The following EDARADD variants were observed in gnomAD, a reference collection of about 807,000 sequenced individuals.
EDARADD encodes the protein EDAR associated via death domain.
Under a neutral mutation model 25.6 loss-of-function variants are expected in EDARADD, and 20 were observed. The observed-to-expected ratio is 0.78, with a 90% CI of 0.55 to 1.14. The LOEUF (loss-of-function observed/expected upper bound fraction) is 1.14, where lower values mean the gene tolerates loss of function less well. Ranked by LOEUF, EDARADD falls within the 50% of genes most tolerant of loss-of-function variation. EDARADD has a pLI of 0.00. For synonymous variants in EDARADD, 86 were observed against 94.4 expected, an observed-to-expected ratio of 0.91 and a Z score of 0.52; for missense variants, 225 against 270.1, an observed-to-expected ratio of 0.83 and a Z score of 1.17.
chr1:236,447,232 TCCTTTCTTTC>T (rs1658583678), intron 4 of EDARADD, among the ~76,000 whole-genome samples: 15 of 122,758 alleles, frequency 1.2e-4, no homozygotes, highest in African/African-American at 3.7e-4. Context: ...TTCCTTTCTT[TCCTTTCTTTC>T]CTTTCTTTCC....
intron 3 of EDARADD, among the ~76,000 whole-genome samples, chr1:236,363,006 A>AAAAAAAATATATATATATATAT (rs1377112051): frequency 4.7e-5 from 2 of 42,950 alleles, no homozygotes; most frequent in African/African-American, 2.2e-4. Context: ...AAAAAAAAAA[A>AAAAAAAATATATATATATATAT]ATATATATAT....
In EDARADD at chr1:236,483,400, G is replaced by A; in HGVS notation, c.*751G>A. The stretch of plus-strand genomic sequence containing the variant: ...AAAACTATTGCACCTGTCCTGGTTA[G>A]CAAGAAACTGAACGTCACAGAACAA... On this transcript the variant is annotated 3_prime_UTR_variant, in exon 6 of 6. Transcript: ENST00000334232. The A allele has an allele frequency of 1.6e-6, 2 of 1,268,174 alleles. No individual in the cohort carries two copies. The highest frequency in any genetic ancestry group is 1.2e-5 in the South Asian group (1 of 84,172). The allele number at this position is 1,268,174 out of a possible 1,614,324, so 78.6% of individuals were successfully genotyped here.
At chr1:236,475,165 C>T (rs1021006259) in intron 5 of EDARADD, among the ~76,000 whole-genome samples, 1 of 149,904 alleles carries the variant, frequency 6.7e-6, no homozygotes, top group Non-Finnish European at 1.5e-5. Context: ...CAAAAAAAAA[C>T]CCAACAAATA....
intron 3 of EDARADD, among the ~76,000 whole-genome samples, chr1:236,417,192 C>G (rs957564839): frequency 3.9e-5 from 6 of 152,134 alleles, no homozygotes; most frequent in Non-Finnish European, 8.8e-5. Context: ...AACGAAGAGA[C>G]TGATTTATAG....
At chr1:236,419,661 A>C (rs1231070943) in intron 3 of EDARADD, among the ~76,000 whole-genome samples, 1 of 152,218 alleles carries the variant, frequency 6.6e-6, no homozygotes, top group Non-Finnish European at 1.5e-5. Flanking sequence ...ACTGACAGGC[A>C]GGAGAGCTGA....
intron 4 of EDARADD, among the ~76,000 whole-genome samples, chr1:236,448,854 A>C (rs1658634261): frequency 6.6e-6 from 1 of 152,222 alleles, no homozygotes. Context: ...ATACAAAAAC[A>C]GAGGCCCAGA....
chr1:236,427,376 T>TTTC lies in EDARADD; in HGVS notation c.161-14_161-13insCTT. Reference sequence around the variant, plus strand: ...CACACTTTGTTTCTTTCTTTCTTTCTTTTTTTTTTTCCTAGCTGAAGAATG... The same window carrying TTTC: ...CACACTTTGTTTCTTTCTTTCTTTCTTTCTTTTTTTTTTCCTAGCTGAAGAATG... On this transcript the variant is annotated splice_polypyrimidine_tract_variant and intron_variant, in intron 3 of 5. Coordinates refer to ENST00000334232, the MANE Select transcript of EDARADD (RefSeq NM_145861.4). The TTTC allele has an allele frequency of 2.3e-6, 2 of 866,058 alleles. No homozygotes were observed. The highest frequency in any genetic ancestry group is 3.2e-6 in the Non-Finnish European group (2 of 623,738). 53.6% of individuals were successfully genotyped at this position (866,058 alleles called of 1,614,324 possible).
At chr1:236,381,801 CTTTTTTTTTTTTT>C (rs71559949) in intron 3 of EDARADD, among the ~76,000 whole-genome samples, 2 of 42,072 alleles carry the variant, frequency 4.8e-5, no homozygotes, top group East Asian at 8.1e-4. Flanking sequence ...CCTGTGGTTG[CTTTTTTTTTTTTT>C]TTTTTTTTTT....
At chr1:236,370,393 C>T (rs1667161013) in intron 3 of EDARADD, among the ~76,000 whole-genome samples, 1 of 152,064 alleles carries the variant, frequency 6.6e-6, no homozygotes, top group African/African-American at 2.4e-5. Flanking sequence ...TGCACTCCAG[C>T]CTGGGTGACA....
intron 5 of EDARADD, among the ~76,000 whole-genome samples, chr1:236,475,027 G>A (rs949734006): frequency 2.0e-5 from 3 of 152,148 alleles, no homozygotes; most frequent in Non-Finnish European, 2.9e-5. Context: ...CAGCTACTCG[G>A]GAGGGTGAGG....
chr1:236,376,694 C>T (rs568148688), intron 3 of EDARADD, among the ~76,000 whole-genome samples: 5 of 152,160 alleles, frequency 3.3e-5, no homozygotes, highest in Admixed American at 6.5e-5. Flanking sequence ...TTCCTGGATA[C>T]GTGGTTTGGT....
At chr1:236,353,016 A>G (rs537364348) in intron 3 of EDARADD, among the ~76,000 whole-genome samples, 2 of 151,946 alleles carry the variant, frequency 1.3e-5, no homozygotes, top group African/African-American at 4.8e-5. Context: ...TCTCTAAAAA[A>G]AAAACAACAA....
chr1:236,480,251 T>G (rs575954086), intron 5 of EDARADD, among the ~76,000 whole-genome samples: 38 of 151,698 alleles, frequency 2.5e-4, no homozygotes, highest in Non-Finnish European at 4.3e-4. Context: ...GGTTGCCATA[T>G]TGTCTTCATA....
At chr1:236,475,549 G>T (rs1035464339) in intron 5 of EDARADD, among the ~76,000 whole-genome samples, 5 of 152,104 alleles carry the variant, frequency 3.3e-5, no homozygotes, top group African/African-American at 9.7e-5. Context: ...CAGATCACGG[G>T]GTCAGGAGTT....
intron 4 of EDARADD, among the ~76,000 whole-genome samples, chr1:236,442,167 C>T (rs1326010659): frequency 6.6e-6 from 1 of 151,684 alleles, no homozygotes; most frequent in East Asian, 1.9e-4. Flanking sequence ...ATTCTGTCAC[C>T]CAGACTGGAG....
chr1:236,367,507 G>C (rs1465195869), intron 3 of EDARADD, among the ~76,000 whole-genome samples: 1 of 152,122 alleles, frequency 6.6e-6, no homozygotes, highest in Non-Finnish European at 1.5e-5. Flanking sequence ...GGGATTACAG[G>C]CATGGGCCAC....
chr1:236,443,630 T>G (rs1658459032), intron 4 of EDARADD, among the ~76,000 whole-genome samples: 1 of 152,242 alleles, frequency 6.6e-6, no homozygotes, highest in Non-Finnish European at 1.5e-5. Context: ...AAAACTTGAA[T>G]GGATCAATAG....
At chr1:236,469,698 C>T (rs1206435982) in intron 5 of EDARADD, among the ~76,000 whole-genome samples, 1 of 152,058 alleles carries the variant, frequency 6.6e-6, no homozygotes, top group East Asian at 1.9e-4. Flanking sequence ...ACTTTTTCCC[C>T]TTAGAAACAC....
intron 3 of EDARADD, among the ~76,000 whole-genome samples, chr1:236,365,102 C>T (rs189407599): frequency 2.6e-5 from 4 of 151,954 alleles, no homozygotes; most frequent in Admixed American, 1.3e-4. Flanking sequence ...TGGATTTGGT[C>T]AAAAGTTTTT....
Sources: allele counts gnomAD v4.1 joint callset (sites outside exome capture counted in the v4.1 genomes callset), GRCh38; gene constraint gnomAD v4.1.1; transcripts MANE v1.5; gene names NCBI Gene and HGNC (gene_info 2026-07-23, HGNC 2026-07-21).